Variants in GRID2 observed in about 807,000 individuals in gnomAD.
GRID2 encodes the protein glutamate receptor ionotropic, delta-2.
A neutral mutation model predicts 114.8 loss-of-function variants in GRID2; 33 were observed. The ratio of observed to expected loss-of-function variants is 0.29; its 90% CI spans 0.22 to 0.38. GRID2 has a LOEUF of 0.38. Among genes scored for constraint, GRID2 ranks in the 10% least tolerant of loss-of-function variants. The pLI is 1.00. For synonymous variants in GRID2, 505 were observed against 449.9 expected, an observed-to-expected ratio of 1.12 and a Z score of -1.55; for missense variants, 1,184 against 1,257.7, an observed-to-expected ratio of 0.94 and a Z score of 0.89.
At chr4:93,657,484 A>G (rs866736064) in intron 14 of GRID2, among the ~76,000 whole-genome samples, 14 of 152,310 alleles carry the variant, frequency 9.2e-5, no homozygotes, top group Middle Eastern at 6.8e-3. Flanking sequence ...GAACTATTCG[A>G]TTTGATGGGA....
At chr4:93,571,960 G>A (rs1173746630) in intron 13 of GRID2, among the ~76,000 whole-genome samples, 4 of 152,106 alleles carry the variant, frequency 2.6e-5, no homozygotes, top group Admixed American at 6.6e-5. Flanking sequence ...TCGCAGAAAA[G>A]GTTTCATGAT....
intron 1 of GRID2, among the ~76,000 whole-genome samples, chr4:92,318,737 G>C (rs936273490): frequency 6.6e-6 from 1 of 151,870 alleles, no homozygotes; most frequent in African/African-American, 2.4e-5. Context: ...GCCTCCCAAA[G>C]TGCTGGGATT....
intron 2 of GRID2, among the ~76,000 whole-genome samples, chr4:92,908,737 G>A (rs1399350914): frequency 6.6e-6 from 1 of 151,980 alleles, no homozygotes; most frequent in African/African-American, 2.4e-5. Context: ...ATTTATTTTG[G>A]AAAATTAAAT....
intron 2 of GRID2, among the ~76,000 whole-genome samples, chr4:92,874,033 G>C (rs923666331): frequency 1.3e-5 from 2 of 152,086 alleles, no homozygotes; most frequent in African/African-American, 4.8e-5. Context: ...TCTTATTAAA[G>C]AGCCCTGTCC....
Position 93,772,643 on chromosome 4 carries a change from C to A in GRID2, c.*145C>A. 1 of 586,744 alleles carries A rather than the reference C, an allele frequency of 1.7e-6. No individual in the cohort carries two copies. Among genetic ancestry groups the A allele is most frequent in the Non-Finnish European group, 2.9e-6 (1 of 339,488 alleles). 36.3% of individuals were successfully genotyped at this position (586,744 alleles called of 1,614,324 possible). A position where few individuals can be genotyped will look rare whatever the true frequency, so the allele number is the denominator to read the frequency against. On this transcript the variant is annotated 3_prime_UTR_variant, in exon 16 of 16. Coordinates refer to ENST00000282020, the MANE Select transcript of GRID2 (RefSeq NM_001510.4). ...AATTCTAGTTTTTTCCTCCCACCTT[C>A]TCCCTCTCCTCTCTCCTCTATGATT... is the stretch of plus-strand genomic sequence containing the variant.
At chr4:93,584,994 T>C (rs889377181) in intron 13 of GRID2, among the ~76,000 whole-genome samples, 14 of 152,108 alleles carry the variant, frequency 9.2e-5, no homozygotes, top group African/African-American at 3.4e-4. Flanking sequence ...GCTAGAACTT[T>C]GGCTAACTTT....
chr4:93,002,172 T>C (rs1402512166), intron 2 of GRID2, among the ~76,000 whole-genome samples: 2 of 151,750 alleles, frequency 1.3e-5, no homozygotes, highest in African/African-American at 4.8e-5. Flanking sequence ...ATCTTACAAA[T>C]AATAAATAAA....
At chr4:92,842,996 T>C (rs948640518) in intron 2 of GRID2, among the ~76,000 whole-genome samples, 2 of 152,266 alleles carry the variant, frequency 1.3e-5, no homozygotes, top group African/African-American at 2.4e-5. Flanking sequence ...GTAAGCACTT[T>C]GGCAGGCCAA....
intron 2 of GRID2, chr4:92,884,644 C>T (rs1746246603): frequency 6.2e-6 from 1 of 161,496 alleles, no homozygotes; most frequent in Non-Finnish European, 1.4e-5. Flanking sequence ...ATTGTTTTGC[C>T]TCAGGGAATA....
At chr4:92,466,529 CCTA>C (rs1446865919) in intron 1 of GRID2, among the ~76,000 whole-genome samples, 3 of 151,746 alleles carry the variant, frequency 2.0e-5, no homozygotes, top group African/African-American at 7.3e-5. Context: ...CATACATACA[CCTA>C]CTATGTACTC....
chr4:93,007,253 GA>G, intron 2 of GRID2, among the ~76,000 whole-genome samples: 1 of 151,964 alleles, frequency 6.6e-6, no homozygotes, highest in East Asian at 1.9e-4. Flanking sequence ...AAGTTTTTTA[GA>G]AATAAGGATC....
intron 1 of GRID2, among the ~76,000 whole-genome samples, chr4:93,795,602 T>A (rs1467449824): frequency 6.6e-6 from 1 of 152,202 alleles, no homozygotes; most frequent in African/African-American, 2.4e-5. Flanking sequence ...AATTTTTTAG[T>A]TAAAATTATT....
intron 2 of GRID2, among the ~76,000 whole-genome samples, chr4:92,645,463 T>A (rs1325078142): frequency 5.3e-5 from 8 of 151,860 alleles, no homozygotes; most frequent in Non-Finnish European, 1.2e-4. Context: ...TAGGAAGAAC[T>A]GGTTTGTCTC....
chr4:93,598,214 T>G (rs769843739), intron 13 of GRID2, among the ~76,000 whole-genome samples: 2 of 152,178 alleles, frequency 1.3e-5, no homozygotes, highest in Non-Finnish European at 2.9e-5. Context: ...GACTCTGTGT[T>G]CTTAGATCCA....
chr4:93,750,913 A>AAAC (rs1469313207), intron 14 of GRID2, among the ~76,000 whole-genome samples: 1 of 152,240 alleles, frequency 6.6e-6, no homozygotes, highest in Non-Finnish European at 1.5e-5. Flanking sequence ...GCTAAGAATC[A>AAAC]AACAGGTGAA....
chr4:93,725,690 T>G (rs1729805840), intron 14 of GRID2, among the ~76,000 whole-genome samples: 2 of 151,066 alleles, frequency 1.3e-5, no homozygotes, highest in Non-Finnish European at 2.9e-5. Flanking sequence ...TGGTGTGAGA[T>G]GGTATCTCAT....
At chr4:92,528,654 C>A (rs1725158269) in intron 1 of GRID2, among the ~76,000 whole-genome samples, 1 of 151,798 alleles carries the variant, frequency 6.6e-6, no homozygotes, top group East Asian at 2.0e-4. Context: ...TTTAAGCAGG[C>A]AGAGCATACA....
At chr4:93,223,342 A>T (rs148781113) in intron 6 of GRID2, among the ~76,000 whole-genome samples, 1 of 152,172 alleles carries the variant, frequency 6.6e-6, no homozygotes, top group East Asian at 1.9e-4. Context: ...GCCTACAAGT[A>T]TTATACATAT....
At chr4:92,744,693 A>AT (rs1737063027) in intron 2 of GRID2, among the ~76,000 whole-genome samples, 1 of 151,844 alleles carries the variant, frequency 6.6e-6, no homozygotes, top group African/African-American at 2.4e-5. Context: ...TTTTTCCTTA[A>AT]TTTGAAAATC....
Sources: allele counts gnomAD v4.1 joint callset (sites outside exome capture counted in the v4.1 genomes callset), GRCh38; gene constraint gnomAD v4.1.1; transcripts MANE v1.5; gene names NCBI Gene and HGNC (gene_info 2026-07-23, HGNC 2026-07-21).